EPM2A: variants seen among roughly 807,000 people sequenced by gnomAD.
The protein encoded by EPM2A is laforin.
In EPM2A, 21 loss-of-function variants were observed where a neutral mutation model predicts 26.5. The ratio of observed to expected loss-of-function variants is 0.79; its 90% CI spans 0.56 to 1.14. The LOEUF is 1.14. EPM2A is among the 50% of genes most tolerant of loss of function. The pLI, the probability that EPM2A is intolerant of heterozygous loss-of-function variation, is 0.00. For synonymous variants in EPM2A, 217 were observed against 177.6 expected, an observed-to-expected ratio of 1.22 and a Z score of -1.76; for missense variants, 458 against 440.8, an observed-to-expected ratio of 1.04 and a Z score of -0.35.
At chr6:145,712,507 G>A (rs1326888494) in intron 1 of EPM2A, among the ~76,000 whole-genome samples, 1 of 152,040 alleles carries the variant, frequency 6.6e-6, no homozygotes, top group African/African-American at 2.4e-5. Flanking sequence ...TGAAGACAAA[G>A]CACAAGCAAA....
intron 1 of EPM2A, among the ~76,000 whole-genome samples, chr6:145,698,276 GAC>G (rs1191194698): frequency 6.6e-6 from 1 of 152,186 alleles, no homozygotes; most frequent in Admixed American, 6.5e-5. Flanking sequence ...TGAGAAAATA[GAC>G]AAATGTCCTT....
At chr6:145,502,415 G>A (rs999295423) in intron 3 of EPM2A, 3 of 434,648 alleles carry the variant, frequency 6.9e-6, no homozygotes, top group African/African-American at 4.1e-5. Context: ...CCATAGAGCA[G>A]TGTCCTCTGA....
intron 1 of EPM2A, among the ~76,000 whole-genome samples, chr6:145,720,282 A>C (rs1371800682): frequency 6.6e-6 from 1 of 152,196 alleles, no homozygotes; most frequent in Non-Finnish European, 1.5e-5. Flanking sequence ...TGTAGAGAAA[A>C]CATGAGACAT....
intron 1 of EPM2A, among the ~76,000 whole-genome samples, chr6:145,689,086 ATTAT>A (rs1250626598): frequency 1.3e-5 from 2 of 152,234 alleles, no homozygotes; most frequent in African/African-American, 4.8e-5. Flanking sequence ...GTCAAGAAGA[ATTAT>A]TTATGTGTCA....
chr6:145,488,182 C>T (rs141795139), intron 4 of EPM2A, among the ~76,000 whole-genome samples: 4 of 151,800 alleles, frequency 2.6e-5, no homozygotes, highest in African/African-American at 7.3e-5. Context: ...TCTAGGTGAT[C>T]GTTCTTGTAC....
intron 4 of EPM2A, among the ~76,000 whole-genome samples, chr6:145,456,532 G>A (rs577860545): frequency 6.6e-6 from 1 of 152,224 alleles, no homozygotes; most frequent in East Asian, 1.9e-4. Flanking sequence ...AAAATCCAGA[G>A]TGTGCTCCTC....
Position 145,672,948 on chromosome 6 carries a change from A to G in EPM2A, c.476+13174T>C, listed in dbSNP as rs118030122. ...TAGTCACACACCCATCTATATACTCAGAGCCTCTAATCTGTGCTTTTGTCT... is the reference window on the plus strand; with the variant it reads ...TAGTCACACACCCATCTATATACTCGGAGCCTCTAATCTGTGCTTTTGTCT... On this transcript the variant is annotated intron_variant, in intron 2 of 3. Coordinates refer to ENST00000367519, the MANE Select transcript of EPM2A (RefSeq NM_005670.4). Among the ~76,000 whole-genome samples the G allele has an allele frequency of 4.2e-3, 641 of 152,332 alleles. 18 individuals are homozygous for G. In the East Asian group the frequency reaches 0.073, roughly 17 times the overall value.
intron 4 of EPM2A, among the ~76,000 whole-genome samples, chr6:145,485,639 G>A (rs1339462470): frequency 6.6e-6 from 1 of 152,164 alleles, no homozygotes; most frequent in Non-Finnish European, 1.5e-5. Context: ...GGAAGCCTGG[G>A]TTAACCTTAA....
At position 145,686,096 on chromosome 6, in the gene EPM2A, G is replaced by A. The variant is rs541811819; in HGVS notation, c.476+26C>T. On this transcript the variant is annotated intron_variant, in intron 2 of 3. Transcript: ENST00000367519. ...ATGCTATCTCTTGTCCTACTTCTAT[G>A]CCTATAAATATAGCACTATTTTTAC... The A allele has an allele frequency of 1.0e-5, 16 of 1,587,124 alleles. No individual in the cohort carries two copies. The African/African-American group carries it at 1.6e-4, about 16-fold the overall frequency.
intron 2 of EPM2A, among the ~76,000 whole-genome samples, chr6:145,538,963 T>A (rs537802235): frequency 2.6e-5 from 4 of 152,182 alleles, no homozygotes. Context: ...TAAGAGCACA[T>A]GTAGTATGGA....
At chr6:145,547,011 C>G (rs1780590840) in intron 2 of EPM2A, among the ~76,000 whole-genome samples, 1 of 152,110 alleles carries the variant, frequency 6.6e-6, no homozygotes, top group Non-Finnish European at 1.5e-5. Context: ...ATCAGGTATG[C>G]ATAAACAAAT....
At chr6:145,707,042 A>T (rs1432256256) in intron 1 of EPM2A, among the ~76,000 whole-genome samples, 1 of 152,174 alleles carries the variant, frequency 6.6e-6, no homozygotes, top group Non-Finnish European at 1.5e-5. Context: ...TATTTTGGAA[A>T]CAAAGAGAAA....
At chr6:145,542,363 C>T (rs1361858703) in intron 2 of EPM2A, among the ~76,000 whole-genome samples, 1 of 152,174 alleles carries the variant, frequency 6.6e-6, no homozygotes, top group African/African-American at 2.4e-5. Context: ...AAGTGGATTT[C>T]AGCGATGAGT....
chr6:145,583,220 A>G (rs1289374089), intron 2 of EPM2A, among the ~76,000 whole-genome samples: 2 of 152,182 alleles, frequency 1.3e-5, no homozygotes, highest in Admixed American at 6.5e-5. Context: ...TTTGGAGGTA[A>G]GAAGACACTC....
intron 4 of EPM2A, among the ~76,000 whole-genome samples, chr6:145,464,788 C>A (rs1181182467): frequency 6.6e-6 from 1 of 151,990 alleles, no homozygotes; most frequent in African/African-American, 2.4e-5. Context: ...TTTAAGAATT[C>A]TGAATTTAGG....
intron 4 of EPM2A, among the ~76,000 whole-genome samples, chr6:145,427,754 C>G (rs956880918): frequency 2.0e-5 from 3 of 152,136 alleles, no homozygotes; most frequent in Admixed American, 6.5e-5. Context: ...TAACATGTCT[C>G]TTTGTTCTCT....
At chr6:145,685,549 T>C (rs895928205) in intron 2 of EPM2A, among the ~76,000 whole-genome samples, 1 of 152,218 alleles carries the variant, frequency 6.6e-6, no homozygotes, top group South Asian at 2.1e-4. Context: ...AAACTAACCA[T>C]AAAGTGATTA....
intron 2 of EPM2A, among the ~76,000 whole-genome samples, chr6:145,555,107 C>T (rs906614886): frequency 1.3e-5 from 2 of 152,090 alleles, no homozygotes; most frequent in Admixed American, 1.3e-4. Flanking sequence ...AGTTCTTCAT[C>T]AGTAAATGGG....
intron 2 of EPM2A, among the ~76,000 whole-genome samples, chr6:145,563,237 A>G (rs1209140919): frequency 1.3e-5 from 2 of 151,702 alleles, no homozygotes; most frequent in Non-Finnish European, 2.9e-5. Context: ...TGGCTTGCCC[A>G]GAGGAGTGGG....
Sources: allele counts gnomAD v4.1 joint callset (sites outside exome capture counted in the v4.1 genomes callset), GRCh38; gene constraint gnomAD v4.1.1; transcripts MANE v1.5; gene names NCBI Gene and HGNC (gene_info 2026-07-23, HGNC 2026-07-21).